Variants in TRPM6 observed in about 807,000 individuals in gnomAD.
TRPM6 encodes transient receptor potential cation channel subfamily M member 6, also known as channel kinase 2.
Under a neutral mutation model 247.6 loss-of-function variants are expected in TRPM6, and 111 were observed. The observed-to-expected ratio is 0.45, with a 90% CI of 0.38 to 0.52. TRPM6 has a LOEUF of 0.52. Ranked by LOEUF, TRPM6 falls within the 20% of genes least tolerant of loss-of-function variation. TRPM6 has a pLI of 0.00. For missense variants in TRPM6, 2,126 were observed against 2,421.5 expected (o/e 0.88, Z 2.56); for synonymous variants, 892 against 853.8 (o/e 1.04, Z -0.78).
At chr9:74,771,886 A>G in intron 24 of TRPM6, 51 bp from the exon 25 acceptor site, 1 of 1,571,672 alleles carries the variant, frequency 6.4e-7, no homozygotes, top group African/African-American at 1.3e-5. Context: ...ACCTCAGGGC[A>G]TGAGTGGCTT....
Position 74,800,449 on chromosome 9 carries a change from CTCCAACAAG to C in TRPM6, c.2034_2042del (p.Asp678_Leu680del), listed in dbSNP as rs1828284520. The C allele has an allele frequency of 6.2e-7, 1 of 1,613,892 alleles. No homozygotes were observed. The highest frequency in any genetic ancestry group is 8.5e-7 in the Non-Finnish European group (1 of 1,180,018). On this transcript the variant is annotated inframe_deletion, in exon 17 of 39. Coordinates refer to ENST00000360774, the MANE Select transcript of TRPM6 (RefSeq NM_017662.5). The stretch of plus-strand genomic sequence containing the variant: ...TGCGCTCATTCTGCTTGAATGCCTT[CTCCAACAAG>C]TCCAGAGCCAGCTGGCCAAACTGTC...
intron 7 of TRPM6, among the ~76,000 whole-genome samples, chr9:74,825,267 A>G (rs1829291924): frequency 6.6e-6 from 1 of 152,208 alleles, no homozygotes; most frequent in African/African-American, 2.4e-5. Flanking sequence ...GTCTCCAGAA[A>G]AAACAAAAAA....
intron 1 of TRPM6, among the ~76,000 whole-genome samples, chr9:74,867,458 C>T (rs934750146): frequency 1.3e-5 from 2 of 152,174 alleles, no homozygotes; most frequent in Admixed American, 6.5e-5. Flanking sequence ...TTCCCACATG[C>T]ATATCTTAGT....
chr9:74,808,049 G>A lies in TRPM6; in HGVS notation c.1623C>T (p.Leu541=). The change falls in exon 14 of 39, where the codon CTC becomes CTT. Residue 541 remains leucine, a synonymous_variant. Transcript: ENST00000360774. ...ATTACTCTACCTTGTATTTTCTGTA[G>A]AGGTTGTTGTAGAGGGCTCTGAAAT... ...RKHFRALYNN[L]YRKYKHQRHS... is the part of the protein sequence containing the mutation. The A allele has an allele frequency of 6.2e-7, 1 of 1,613,874 alleles. No homozygotes were observed. Among genetic ancestry groups the A allele is most frequent in the South Asian group, 1.1e-5 (1 of 91,078 alleles).
intron 1 of TRPM6, among the ~76,000 whole-genome samples, chr9:74,861,482 T>C (rs1413532274): frequency 6.6e-6 from 1 of 152,210 alleles, no homozygotes; most frequent in Non-Finnish European, 1.5e-5. Context: ...GTATCTAATG[T>C]AGAAGCCTGT....
intron 25 of TRPM6, 82 bp from the exon 26 acceptor site, chr9:74,763,216 T>C: frequency 7.3e-7 from 1 of 1,379,242 alleles, no homozygotes; most frequent in Non-Finnish European, 1.0e-6. Flanking sequence ...CTTCCATCCT[T>C]AAATGGCTCC....
intron 1 of TRPM6, chr9:74,875,142 A>G: frequency 2.5e-6 from 1 of 404,934 alleles, no homozygotes. Flanking sequence ...TAAGTAAATA[A>G]TTTTTAAAAC....
rs183163822 is a variant in TRPM6 at position 74,867,676 on chromosome 9, G to A, written c.34-8928C>T. 2.0e-4 allele frequency among the ~76,000 whole-genome samples: 31 copies of A among 152,252 alleles called. 1 individual carries two copies. The East Asian group carries it at 4.2e-3, about 21-fold the overall frequency. ...CCACACCCACCCTCCAGAAGATGTC[G>A]TTAAATTCAGTGACCTTGGGAAGCT... On this transcript the variant is annotated intron_variant, in intron 1 of 38. Coordinates refer to ENST00000360774, the MANE Select transcript of TRPM6 (RefSeq NM_017662.5).
At chr9:74,832,624 G>T (rs1234342689) in intron 6 of TRPM6, among the ~76,000 whole-genome samples, 1 of 152,214 alleles carries the variant, frequency 6.6e-6, no homozygotes, top group Admixed American at 6.5e-5. Context: ...GGTGTCGGCT[G>T]AATGGATAAG....
At chr9:74,830,872 G>C (rs1311974820) in intron 6 of TRPM6, among the ~76,000 whole-genome samples, 1 of 145,734 alleles carries the variant, frequency 6.9e-6, no homozygotes, top group Admixed American at 7.2e-5. Context: ...CAAAGTACTG[G>C]GGTTATAGGC....
At chr9:74,812,579 A>G (rs2117909173) in intron 11 of TRPM6, 146 bp from the exon 12 acceptor site, 1 of 818,884 alleles carries the variant, frequency 1.2e-6, no homozygotes, top group East Asian at 2.7e-5. Context: ...AAAAAAAAAA[A>G]AGGAAAAAAT....
chr9:74,761,805 AG>A lies in TRPM6; in HGVS notation c.4675del (p.Leu1559PhefsTer7). On this transcript the variant is annotated frameshift_variant and splice_region_variant, in exon 27 of 39. Transcript: ENST00000360774. LOFTEE classifies it high-confidence loss of function. ...KLMKICKIKNLSGSSEIGQGA... is the reference protein window; with the variant it reads ...KLMKICKIKNXSGSSEIGQGA... ...CTGCCCTATTTCTGAAGAGCCTGAA[AG>A]ATCTGCAAGGAAATGGTCTACATGA... 6.2e-7 allele frequency: 1 copy of A among 1,610,364 alleles called. No individual in the cohort carries two copies. The highest frequency in any genetic ancestry group is 8.5e-7 in the Non-Finnish European group (1 of 1,176,590).
In TRPM6 at chr9:74,802,613, C is replaced by T. The variant is rs1405408550; in HGVS notation, c.1732-438G>A. ...TTCTCAAGGAAATGGGTCGAAATAG[C>T]GTATTGGATACATGGGAGTGATGTA... On this transcript the variant is annotated intron_variant, in intron 15 of 38. Transcript: ENST00000360774. 3.3e-5 allele frequency among the ~76,000 whole-genome samples: 5 copies of T among 152,124 alleles called. No homozygotes were observed. In the South Asian group the frequency reaches 8.3e-4, roughly 25 times the overall value.
At chr9:74,731,546 T>C (rs2118695538) in intron 37 of TRPM6, among the ~76,000 whole-genome samples, 1 of 151,990 alleles carries the variant, frequency 6.6e-6, no homozygotes, top group Non-Finnish European at 1.5e-5. Context: ...AATACACTTT[T>C]AGATGGGCCT....
chr9:74,801,224 C>A (rs1432170133), intron 16 of TRPM6, among the ~76,000 whole-genome samples: 1 of 146,628 alleles, frequency 6.8e-6, no homozygotes, highest in Non-Finnish European at 1.5e-5. Context: ...AGGTGTGAGC[C>A]ACTGCACCAA....
At chr9:74,853,864 A>AAAAAT (rs573585286) in intron 3 of TRPM6, among the ~76,000 whole-genome samples, 47 of 152,270 alleles carry the variant, frequency 3.1e-4, no homozygotes, top group Middle Eastern at 3.4e-3. Flanking sequence ...TAAATACTAA[A>AAAAAT]AAAATAAAAT....
At chr9:74,786,648 G>A (rs574899743) in intron 20 of TRPM6, among the ~76,000 whole-genome samples, 2 of 152,328 alleles carry the variant, frequency 1.3e-5, no homozygotes, top group East Asian at 3.9e-4. Flanking sequence ...TCTGAGGCAG[G>A]AGAATGGCAT....
chr9:74,818,438 G>A (rs1829024909), intron 9 of TRPM6, among the ~76,000 whole-genome samples: 1 of 150,538 alleles, frequency 6.6e-6, no homozygotes, highest in African/African-American at 2.4e-5. Context: ...AAGTAGCTGG[G>A]ATTATAGGCA....
intron 5 of TRPM6, among the ~76,000 whole-genome samples, chr9:74,838,859 C>T (rs895172637): frequency 2.6e-5 from 4 of 152,014 alleles, no homozygotes; most frequent in Non-Finnish European, 5.9e-5. Flanking sequence ...CCTGTAATCC[C>T]AGCACTTTGG....
Sources: gnomAD v4.1 joint callset for allele counts (sites outside exome capture counted in the v4.1 genomes callset) on GRCh38, gnomAD v4.1.1 for gene constraint, MANE v1.5 for transcripts, NCBI Gene and HGNC (gene_info 2026-07-23, HGNC 2026-07-21) for gene names.